MARCHF10: variants seen among roughly 807,000 people sequenced by gnomAD.
MARCHF10 encodes the protein probable E3 ubiquitin-protein ligase MARCHF10.
A neutral mutation model predicts 76.2 loss-of-function variants in MARCHF10; 64 were observed. That is an observed-to-expected ratio of 0.84 (90% CI 0.69 to 1.03). The LOEUF (loss-of-function observed/expected upper bound fraction) is 1.03. Among genes scored for constraint, MARCHF10 ranks in the 50% least tolerant of loss-of-function variants. MARCHF10 has a pLI of 0.00. For synonymous variants in MARCHF10, 340 were observed against 357.5 expected, an observed-to-expected ratio of 0.95 and a Z score of 0.55; for missense variants, 875 against 958.0, an observed-to-expected ratio of 0.91 and a Z score of 1.14.
intron 2 of MARCHF10, among the ~76,000 whole-genome samples, chr17:62,796,508 G>A (rs761573398): frequency 6.6e-6 from 1 of 152,218 alleles, no homozygotes; most frequent in Non-Finnish European, 1.5e-5. Flanking sequence ...AATGCTCAAT[G>A]AGAGTGGATT....
chr17:62,727,991 A>G (rs1355251295), intron 6 of MARCHF10, among the ~76,000 whole-genome samples: 1 of 152,162 alleles, frequency 6.6e-6, no homozygotes, highest in Non-Finnish European at 1.5e-5. Flanking sequence ...CTCCCAGGGG[A>G]ACATTCTGTC....
At chr17:62,783,877 A>G (rs2092704192) in intron 3 of MARCHF10, among the ~76,000 whole-genome samples, 1 of 152,230 alleles carries the variant, frequency 6.6e-6, no homozygotes, top group Non-Finnish European at 1.5e-5. Flanking sequence ...TTGAGGCAAT[A>G]ATTAATAGCC....
At chr17:62,754,106 TC>T in intron 4 of MARCHF10, among the ~76,000 whole-genome samples, 1 of 152,304 alleles carries the variant, frequency 6.6e-6, no homozygotes, top group East Asian at 1.9e-4. Context: ...ATGGTTTCAC[TC>T]TGTCGCCCAG....
At chr17:62,746,964 T>A (rs1284625643) in intron 4 of MARCHF10, 1 of 1,536,108 alleles carries the variant, frequency 6.5e-7, no homozygotes, top group Admixed American at 2.0e-5. Context: ...TTCCACCAAG[T>A]CGGCTCTGAC....
chr17:62,741,030 T>A (rs2091485829), intron 5 of MARCHF10, among the ~76,000 whole-genome samples: 1 of 152,224 alleles, frequency 6.6e-6, no homozygotes. Context: ...TCCTGCTATA[T>A]CCACCTGCTC....
intron 4 of MARCHF10, among the ~76,000 whole-genome samples, chr17:62,750,796 C>G (rs538821069): frequency 7.2e-5 from 11 of 152,164 alleles, no homozygotes; most frequent in Non-Finnish European, 1.0e-4. Context: ...TTCTTTTCCC[C>G]GTAAGATCCC....
At chr17:62,759,089 C>A (rs1015481527) in intron 4 of MARCHF10, among the ~76,000 whole-genome samples, 1 of 152,166 alleles carries the variant, frequency 6.6e-6, no homozygotes, top group Non-Finnish European at 1.5e-5. Context: ...TATCAAGCAC[C>A]TTTTCTCTCA....
intron 5 of MARCHF10, among the ~76,000 whole-genome samples, chr17:62,740,534 C>T (rs2091467262): frequency 6.6e-6 from 1 of 152,146 alleles, no homozygotes; most frequent in South Asian, 2.1e-4. Flanking sequence ...ATAAAAATCC[C>T]CCATAATCCA....
intron 3 of MARCHF10, among the ~76,000 whole-genome samples, chr17:62,769,307 G>C (rs2092397873): frequency 6.6e-6 from 1 of 152,178 alleles, no homozygotes; most frequent in Non-Finnish European, 1.5e-5. Flanking sequence ...TGAATAGCCT[G>C]TCCCTAAGTA....
chr17:62,801,783 G>GT (rs2093078853), intron 1 of MARCHF10, 31 bp from the exon 2 acceptor site: 1 of 1,479,878 alleles, frequency 6.8e-7, no homozygotes, highest in Admixed American at 1.7e-5. Flanking sequence ...AATGTGCTGT[G>GT]TTAGAGTCCT....
At chr17:62,769,412 ATTTGTTTG>A (rs374728827) in intron 3 of MARCHF10, among the ~76,000 whole-genome samples, 124 of 152,072 alleles carry the variant, frequency 8.2e-4, no homozygotes, top group African/African-American at 2.8e-3. Context: ...CTAATCCTAC[ATTTGTTTG>A]TTTGTTTGTT....
chr17:62,787,755 T>C (rs766042227), intron 3 of MARCHF10, among the ~76,000 whole-genome samples: 3 of 152,048 alleles, frequency 2.0e-5, no homozygotes, highest in Admixed American at 6.6e-5. Context: ...GATGGATAGA[T>C]AGATAGATAG....
intron 3 of MARCHF10, among the ~76,000 whole-genome samples, chr17:62,782,596 T>C (rs2092679337): frequency 1.3e-5 from 2 of 151,982 alleles, no homozygotes; most frequent in South Asian, 2.1e-4. Flanking sequence ...TCGCCGGCCT[T>C]GGACTCCCAA....
chr17:62,728,065 G>A (rs1389566432), intron 6 of MARCHF10, among the ~76,000 whole-genome samples: 1 of 152,326 alleles, frequency 6.6e-6, no homozygotes, highest in South Asian at 2.1e-4. Flanking sequence ...CTAGAGACAG[G>A]TCTCACTCTG....
At chr17:62,769,585 T>C (rs554699106) in intron 3 of MARCHF10, among the ~76,000 whole-genome samples, 1 of 152,262 alleles carries the variant, frequency 6.6e-6, no homozygotes, top group Admixed American at 6.5e-5. Flanking sequence ...GGCTAATTTT[T>C]GTATTTTTAG....
intron 4 of MARCHF10, among the ~76,000 whole-genome samples, chr17:62,758,974 T>G (rs1454633798): frequency 6.6e-6 from 1 of 152,206 alleles, no homozygotes; most frequent in Non-Finnish European, 1.5e-5. Flanking sequence ...TTTTATCCCC[T>G]TTCTGGATAC....
chr17:62,791,134 C>A (rs1470171547), intron 2 of MARCHF10, among the ~76,000 whole-genome samples: 1 of 152,082 alleles, frequency 6.6e-6, no homozygotes, highest in Non-Finnish European at 1.5e-5. Flanking sequence ...CAAAAAACAC[C>A]CAATCATAGA....
chr17:62,795,382 A>AAAAAAAAAG (rs1555719591), intron 2 of MARCHF10, among the ~76,000 whole-genome samples: 7 of 111,990 alleles, frequency 6.3e-5, no homozygotes, highest in African/African-American at 1.1e-4. Context: ...AAAAAAAAAA[A>AAAAAAAAAG]AAGAAGCTAG....
At chr17:62,717,124 T>C (rs888612637) in intron 8 of MARCHF10, among the ~76,000 whole-genome samples, 2 of 152,258 alleles carry the variant, frequency 1.3e-5, no homozygotes, top group African/African-American at 2.4e-5. Flanking sequence ...TCTTTATCTA[T>C]GGCGAGCTTC....
Sources: allele counts gnomAD v4.1 joint callset (sites outside exome capture counted in the v4.1 genomes callset), GRCh38; gene constraint gnomAD v4.1.1; transcripts MANE v1.5; gene names NCBI Gene and HGNC (gene_info 2026-07-23, HGNC 2026-07-21).